The following ADGRL2 variants were observed in gnomAD, a reference collection of about 807,000 sequenced individuals.
ADGRL2 encodes calcium-independent alpha-latrotoxin receptor 2.
A neutral mutation model predicts 157.4 loss-of-function variants in ADGRL2; 44 were observed. The ratio of observed to expected loss-of-function variants is 0.28; its 90% CI spans 0.22 to 0.36. The LOEUF is 0.36. Ranked by LOEUF, ADGRL2 falls within the 10% of genes least tolerant of loss-of-function variation. The probability of loss-of-function intolerance (pLI) is 1.00; values close to 1 mark genes in which losing one functional copy is unlikely to be tolerated. For synonymous variants in ADGRL2, 585 were observed against 624.7 expected (o/e 0.94, Z 0.95); for missense variants, 1,510 against 1,768.9 (o/e 0.85, Z 2.63).
chr1:81,319,550 T>C (rs1167243474), intron 1 of ADGRL2, among the ~76,000 whole-genome samples: 1 of 152,164 alleles, frequency 6.6e-6, no homozygotes, highest in Non-Finnish European at 1.5e-5. Context: ...GAGAACAGCA[T>C]TTCTACAAAG....
At chr1:81,697,173 G>C (rs1406516631), upstream of ADGRL2, among the ~76,000 whole-genome samples, 3 of 152,246 alleles carry the variant, frequency 2.0e-5, no homozygotes, top group Admixed American at 6.5e-5. Flanking sequence ...AGCCTTAGGG[G>C]TTCAAATTGA....
At chr1:81,554,627 A>G (rs1377723894) in intron 2 of ADGRL2, among the ~76,000 whole-genome samples, 1 of 152,162 alleles carries the variant, frequency 6.6e-6, no homozygotes, top group Admixed American at 6.5e-5. Context: ...AGAATGCCTA[A>G]AACTTAATCA....
At chr1:81,467,474 G>A (rs979030444) in intron 2 of ADGRL2, among the ~76,000 whole-genome samples, 5 of 152,136 alleles carry the variant, frequency 3.3e-5, no homozygotes, top group Admixed American at 6.5e-5. Flanking sequence ...ATTTTACAGC[G>A]CTCCAGTCAG....
chr1:81,409,315 G>A (rs568384117), intron 1 of ADGRL2, among the ~76,000 whole-genome samples: 1 of 152,262 alleles, frequency 6.6e-6, no homozygotes, highest in African/African-American at 2.4e-5. Context: ...GTACCAGTTA[G>A]CAGCCCTAAA....
rs555514074 is a variant in ADGRL2, at chr1:81,353,081, A to G, written c.-302+46572A>G. 3.9e-5 allele frequency among the ~76,000 whole-genome samples: 6 copies of G among 152,318 alleles called. No individual in the cohort carries two copies. In the South Asian group the frequency reaches 1.2e-3, roughly 32 times the overall value. On this transcript the variant is annotated intron_variant, in intron 1 of 24. Coordinates refer to the ADGRL2 transcript ENST00000370721. Reference sequence around the variant, plus strand: ...TGGGCAATATTCTGCATATATATGTACGTTAATCATCACAAGAACTTGATA... The same window carrying G: ...TGGGCAATATTCTGCATATATATGTGCGTTAATCATCACAAGAACTTGATA...
chr1:81,812,825 C>T lies in ADGRL2; in HGVS notation c.-101+11757C>T, dbSNP rs947852952. 6.6e-5 allele frequency among the ~76,000 whole-genome samples: 10 copies of T among 151,730 alleles called. No individual in the cohort carries two copies. The East Asian group carries it at 1.2e-3, about 18-fold the overall frequency. ...ACATGAGTTCAATGACATTAAAACA[C>T]GGGAACTACTAATAAGGACCTACTA... is the stretch of plus-strand genomic sequence containing the variant. On this transcript the variant is annotated intron_variant, in intron 1 of 23. Coordinates refer to ENST00000686636, the MANE Select transcript of ADGRL2 (RefSeq NM_001366006.2).
chr1:81,871,758 C>T (rs561141291), intron 2 of ADGRL2, among the ~76,000 whole-genome samples: 1 of 152,112 alleles, frequency 6.6e-6, no homozygotes, highest in African/African-American at 2.4e-5. Context: ...TGTTCATATC[C>T]TTTGCCCACT....
intron 1 of ADGRL2, among the ~76,000 whole-genome samples, chr1:81,352,620 T>A (rs1266406386): frequency 6.6e-6 from 1 of 152,184 alleles, no homozygotes; most frequent in East Asian, 1.9e-4. Flanking sequence ...TAAGGATTAG[T>A]GTTATATGGC....
intron 3 of ADGRL2, among the ~76,000 whole-genome samples, chr1:81,920,868 A>C (rs2094961295): frequency 1.3e-5 from 2 of 151,456 alleles, no homozygotes; most frequent in Admixed American, 1.3e-4. Flanking sequence ...TAAAGGAAAA[A>C]AAAAACAAAA....
chr1:81,775,155 GTCCCCCAT>G (rs1315262394), intron 2 of ADGRL2, among the ~76,000 whole-genome samples: 1 of 151,912 alleles, frequency 6.6e-6, no homozygotes, highest in Admixed American at 6.6e-5. Context: ...ATTTTATCTG[GTCCCCCAT>G]ATTATAAGCT....
intron 3 of ADGRL2, among the ~76,000 whole-genome samples, chr1:81,928,822 A>G (rs1399228462): frequency 2.0e-5 from 3 of 152,038 alleles, no homozygotes; most frequent in African/African-American, 4.8e-5. Flanking sequence ...TCATTACATG[A>G]TACCTTGGTA....
Position 81,936,646 on chromosome 1 carries a change from T to G in ADGRL2, c.288-82T>G. ...TATGTTTCTGGTTGCTTAAAGAAAA[T>G]GAGAAAAACTTCTATGTTATATTTA... On this transcript the variant is annotated intron_variant, in intron 3 of 23. Transcript: ENST00000686636. The G allele has an allele frequency of 5.3e-6, 4 of 750,934 alleles. No homozygotes were observed. In the African/African-American group the frequency reaches 5.3e-5, roughly 10 times the overall value. 46.5% of individuals were successfully genotyped at this position (750,934 alleles called of 1,614,324 possible). A position where few individuals can be genotyped will look rare whatever the true frequency, so the allele number is the denominator to read the frequency against.
At chr1:81,885,639 C>G (rs952483786) in intron 2 of ADGRL2, among the ~76,000 whole-genome samples, 4 of 152,164 alleles carry the variant, frequency 2.6e-5, no homozygotes, top group Non-Finnish European at 4.4e-5. Flanking sequence ...TTCTCAGTCT[C>G]TAACCAGAAT....
At chr1:81,400,633 G>A (rs2101248180) in intron 1 of ADGRL2, among the ~76,000 whole-genome samples, 1 of 152,158 alleles carries the variant, frequency 6.6e-6, no homozygotes, top group African/African-American at 2.4e-5. Context: ...GGTGATTCTA[G>A]AGCCTGAAAT....
chr1:81,432,527 C>T (rs1156440317), intron 1 of ADGRL2, among the ~76,000 whole-genome samples: 1 of 152,110 alleles, frequency 6.6e-6, no homozygotes, highest in African/African-American at 2.4e-5. Flanking sequence ...AAGAAGTACT[C>T]CAGAGGAGAA....
intron 3 of ADGRL2, among the ~76,000 whole-genome samples, chr1:81,925,699 A>G (rs1050830442): frequency 4.6e-5 from 7 of 151,978 alleles, no homozygotes; most frequent in African/African-American, 1.7e-4. Context: ...TTTTATTTCT[A>G]TACTTTCAGT....
chr1:81,425,898 GC>G, intron 1 of ADGRL2, among the ~76,000 whole-genome samples: 1 of 151,650 alleles, frequency 6.6e-6, no homozygotes. Context: ...GCAGAAACTT[GC>G]CCTGTTGCCC....
At chr1:81,978,115 ATAAT>A (rs1032967545) in intron 17 of ADGRL2, among the ~76,000 whole-genome samples, 10 of 151,630 alleles carry the variant, frequency 6.6e-5, no homozygotes, top group Non-Finnish European at 1.2e-4. Flanking sequence ...CCTTTAAAAA[ATAAT>A]TAGAGGTACA....
chr1:81,987,478 A>G, intron 22 of ADGRL2: 1 of 755,848 alleles, frequency 1.3e-6, no homozygotes, highest in East Asian at 2.5e-5. Flanking sequence ...CAATATATCC[A>G]AACTATAGTA....
Sources: allele counts gnomAD v4.1 joint callset (sites outside exome capture counted in the v4.1 genomes callset), GRCh38; gene constraint gnomAD v4.1.1; transcripts MANE v1.5; gene names NCBI Gene and HGNC (gene_info 2026-07-23, HGNC 2026-07-21).